Variants in NRDE2 observed in about 807,000 individuals in gnomAD.
NRDE2 encodes nuclear exosome regulator NRDE2.
NRDE2 carries 76 observed loss-of-function variants against 124.2 expected under a neutral mutation model. The ratio of observed to expected loss-of-function variants is 0.61; its 90% CI spans 0.51 to 0.74. NRDE2 has a LOEUF of 0.74. Ranked by LOEUF, NRDE2 falls within the 30% of genes least tolerant of loss-of-function variation. The pLI is 0.00. For synonymous variants in NRDE2, 489 were observed against 528.1 expected, an observed-to-expected ratio of 0.93 and a Z score of 1.01; for missense variants, 1,314 against 1,417.3, an observed-to-expected ratio of 0.93 and a Z score of 1.17.
intron 8 of NRDE2, among the ~76,000 whole-genome samples, chr14:90,296,060 T>G (rs1318466123): frequency 6.6e-6 from 1 of 152,202 alleles, no homozygotes; most frequent in Non-Finnish European, 1.5e-5. Flanking sequence ...AATTAGTCTG[T>G]GGACACTGCT....
At position 90,268,455 on chromosome 14, in the gene NRDE2, C is replaced by T. The variant is rs1277533657; in HGVS notation, c.*9881G>A. Reference sequence around the variant, plus strand: ...TTATTTTGCCTTGTTTAGTAGGGAACACCGCATAGCTCTTCTCTTGAGAAT... The same window carrying T: ...TTATTTTGCCTTGTTTAGTAGGGAATACCGCATAGCTCTTCTCTTGAGAAT... On this transcript the variant is annotated 3_prime_UTR_variant, in exon 14 of 14. Coordinates refer to ENST00000354366, the MANE Select transcript of NRDE2 (RefSeq NM_017970.4). 6.3e-7 allele frequency: 1 copy of T among 1,576,156 alleles called. No homozygotes were observed. Among genetic ancestry groups the T allele is most frequent in the Non-Finnish European group, 8.7e-7 (1 of 1,148,810 alleles).
At chr14:90,327,113 GT>G (rs1230446309) in intron 1 of NRDE2, among the ~76,000 whole-genome samples, 1 of 152,182 alleles carries the variant, frequency 6.6e-6, no homozygotes, top group Non-Finnish European at 1.5e-5. Flanking sequence ...CCAGTGTGTG[GT>G]TTTCATATAT....
chr14:90,272,275 A>C lies in NRDE2; in HGVS notation c.*6061T>G. 6.2e-7 allele frequency: 1 copy of C among 1,602,504 alleles called. No individual in the cohort carries two copies. The highest frequency in any genetic ancestry group is 2.2e-5 in the East Asian group (1 of 44,798). On this transcript the variant is annotated 3_prime_UTR_variant, in exon 14 of 14. Transcript: ENST00000354366. The surrounding 1 kb of genome is among the most constrained non-coding windows in gnomAD (Gnocchi z 4.5). ...GAACACACTCTTCTTTCTTACAGGC[A>C]ATCTGTACAGAAGCTGGTCTGATGG...
At chr14:90,306,449 A>T (rs1445078075) in intron 4 of NRDE2, among the ~76,000 whole-genome samples, 1 of 152,204 alleles carries the variant, frequency 6.6e-6, no homozygotes, top group Non-Finnish European at 1.5e-5. Context: ...AGACTATCTC[A>T]TGACAGTCTC....
rs748435649 is a variant in NRDE2 at position 90,312,375 on chromosome 14, G to A, written c.557+19C>T. On this transcript the variant is annotated intron_variant, in intron 4 of 13. Transcript: ENST00000354366. Reference sequence around the variant, plus strand: ...GTCACTTTCCTACAGTGAAAACTGGGGGAAAACAAGGTGACTACCTTGCTA... The same window carrying A: ...GTCACTTTCCTACAGTGAAAACTGGAGGAAAACAAGGTGACTACCTTGCTA... 2 of 1,612,654 alleles carry A rather than the reference G, an allele frequency of 1.2e-6. No homozygotes were observed. The highest frequency in any genetic ancestry group is 1.1e-5 in the South Asian group (1 of 91,028).
Position 90,288,684 on chromosome 14 carries a change from G to T in NRDE2, c.2691C>A (p.Thr897=), listed in dbSNP as rs373558788. Residue 897 remains threonine (T), a synonymous_variant, in exon 11 of 14, where the codon ACC becomes ACA. Coordinates refer to ENST00000354366, the MANE Select transcript of NRDE2 (RefSeq NM_017970.4). The part of the protein sequence containing the change: ...GDSCVSNPAP[T]DSCSRLISLA... The stretch of plus-strand genomic sequence containing the variant: ...GGCTAATTAGGCGGCTACAGGAATC[G>T]GTGGGAGCTGGATTGGAGACACAGC... 2 of 1,614,058 alleles carry T rather than the reference G, an allele frequency of 1.2e-6. No homozygotes were observed. Among genetic ancestry groups the T allele is most frequent in the South Asian group, 2.2e-5 (2 of 91,076 alleles).
intron 6 of NRDE2, among the ~76,000 whole-genome samples, chr14:90,302,061 C>T (rs1381155122): frequency 3.9e-5 from 6 of 152,178 alleles, no homozygotes; most frequent in South Asian, 2.1e-4. Flanking sequence ...GAGCTAGACT[C>T]GCCATGGATT....
rs1891798598 is a variant in NRDE2 at position 90,276,188 on chromosome 14, A to G, written c.*2148T>C. 1 of 148,988 alleles carries G rather than the reference A, an allele frequency of 6.7e-6. No individual in the cohort carries two copies. The highest frequency in any genetic ancestry group is 2.5e-5 in the African/African-American group (1 of 40,532). The allele number at this position is 148,988 out of a possible 1,614,324, so 9.2% of individuals were successfully genotyped here. ...TGGGAGGCACGTAGTCATCTTTCAG[A>G]AGTTCATGTCAGCAATCTCAAACGG... On this transcript the variant is annotated 3_prime_UTR_variant, in exon 14 of 14. Coordinates refer to ENST00000354366, the MANE Select transcript of NRDE2 (RefSeq NM_017970.4).
intron 2 of NRDE2, among the ~76,000 whole-genome samples, chr14:90,317,395 T>C (rs1362239635): frequency 6.6e-6 from 1 of 152,226 alleles, no homozygotes; most frequent in Non-Finnish European, 1.5e-5. Context: ...AATGAGCTCT[T>C]CTTCCTCATT....
chr14:90,301,441 A>C, intron 6 of NRDE2, 69 bp from the exon 7 acceptor site: 9 of 1,484,726 alleles, frequency 6.1e-6, no homozygotes, highest in African/African-American at 2.8e-5. Flanking sequence ...CTAACTTCTC[A>C]AAACAGGCAA....
At chr14:90,302,124 C>T (rs976001642) in intron 6 of NRDE2, among the ~76,000 whole-genome samples, 7 of 152,068 alleles carry the variant, frequency 4.6e-5, no homozygotes, top group Admixed American at 2.6e-4. Context: ...AGTATTGTTG[C>T]TGATGGAGAA....
At position 90,298,297 on chromosome 14, in the gene NRDE2, G is replaced by A. The variant is rs771801961; in HGVS notation, c.1629C>T (p.His543=). Residue 543 remains histidine, a synonymous_variant, in exon 8 of 14, where the codon CAC becomes CAT. Coordinates refer to ENST00000354366, the MANE Select transcript of NRDE2 (RefSeq NM_017970.4). ...CCACCCAGCCACCTCGTTCCTGCTGGTGCATCCACGCCTTCCAGCCTCGGG... is the reference window on the plus strand; with the variant it reads ...CCACCCAGCCACCTCGTTCCTGCTGATGCATCCACGCCTTCCAGCCTCGGG... ...KGARGWKAWM[H]QQERGGWVVI... 2 of 1,613,646 alleles carry A rather than the reference G, an allele frequency of 1.2e-6. No homozygotes were observed. The highest frequency in any genetic ancestry group is 4.5e-5 in the East Asian group (2 of 44,878).
At chr14:90,301,856 G>T in intron 6 of NRDE2, 1 of 455,238 alleles carries the variant, frequency 2.2e-6, no homozygotes, top group Admixed American at 2.4e-5. Flanking sequence ...TCTTACTTTT[G>T]GTACAATTCC....
intron 1 of NRDE2, 110 bp downstream of exon 1, chr14:90,331,731 C>G (rs1885709225): frequency 8.0e-7 from 1 of 1,244,920 alleles, no homozygotes; most frequent in Admixed American, 1.8e-5. Flanking sequence ...CCGCGGAGAA[C>G]TCTGGGATAC....
intron 7 of NRDE2, among the ~76,000 whole-genome samples, chr14:90,300,162 G>A (rs1884341362): frequency 6.6e-6 from 1 of 152,174 alleles, no homozygotes; most frequent in Admixed American, 6.5e-5. Context: ...AAGGGGCAGG[G>A]GGAGGGGGTG....
intron 3 of NRDE2, among the ~76,000 whole-genome samples, chr14:90,313,644 ATCT>A (rs1301305934): frequency 6.6e-6 from 1 of 152,182 alleles, no homozygotes; most frequent in East Asian, 1.9e-4. Flanking sequence ...GGCATCTAAC[ATCT>A]TCTTCCTCTA....
rs1055641169 is a variant in NRDE2 at position 90,268,549 on chromosome 14, G to C, written c.*9787C>G. ...TGCGTGGCCTTCCATGCATGCTTTA[G>C]GCTCTGCTCTCCCAGGAGCCAGCTA... On this transcript the variant is annotated 3_prime_UTR_variant, in exon 14 of 14. Transcript: ENST00000354366. The C allele has an allele frequency of 7.5e-6, 6 of 799,656 alleles. No homozygotes were observed. Among genetic ancestry groups the C allele is most frequent in the Non-Finnish European group, 1.0e-5 (5 of 493,510 alleles). 49.5% of individuals were successfully genotyped at this position (799,656 alleles called of 1,614,324 possible).
intron 11 of NRDE2, 61 bp downstream of exon 11, chr14:90,288,156 C>A: frequency 6.7e-7 from 1 of 1,498,464 alleles, no homozygotes. Context: ...AAGGTCAGGG[C>A]AACACAGCAA....
Position 90,316,573 on chromosome 14 carries a change from C to T in NRDE2, c.407+5G>A. On this transcript the variant is annotated splice_donor_5th_base_variant and intron_variant, in intron 3 of 13. Coordinates refer to ENST00000354366, the MANE Select transcript of NRDE2 (RefSeq NM_017970.4). ...TATCATAGGTGCTTGAGAACAGCAACCTACTTCGGTTCCTCAGATTCCTTT... is the reference window on the plus strand; with the variant it reads ...TATCATAGGTGCTTGAGAACAGCAATCTACTTCGGTTCCTCAGATTCCTTT... 6.3e-7 allele frequency: 1 copy of T among 1,599,142 alleles called. No individual in the cohort carries two copies.
Sources: gnomAD v4.1 joint callset for allele counts (sites outside exome capture counted in the v4.1 genomes callset) on GRCh38, gnomAD v4.1.1 for gene constraint, Gnocchi (gnomAD v3.1) non-coding constraint, MANE v1.5 for transcripts, NCBI Gene and HGNC (gene_info 2026-07-23, HGNC 2026-07-21) for gene names.